DARS2: variants seen among roughly 807,000 people sequenced by gnomAD.
The protein encoded by DARS2 is aspartyl-tRNA synthetase 2, mitochondrial, also known as aspartate--tRNA ligase, mitochondrial.
A neutral mutation model predicts 83.0 loss-of-function variants in DARS2; 63 were observed. The ratio of observed to expected loss-of-function variants is 0.76; its 90% confidence interval spans 0.62 to 0.94. The LOEUF (loss-of-function observed/expected upper bound fraction) is 0.94. DARS2 is among the 40% of genes least tolerant of loss of function. The pLI is 0.00. For synonymous variants in DARS2, 250 were observed against 269.3 expected (o/e 0.93, Z 0.70); for missense variants, 675 against 774.4 (o/e 0.87, Z 1.52).
At chr1:173,825,776 T>C (rs1046347737) in intron 1 of DARS2, among the ~76,000 whole-genome samples, 2 of 138,004 alleles carry the variant, frequency 1.4e-5, no homozygotes, top group Admixed American at 7.4e-5. Flanking sequence ...GCTTTTCCCC[T>C]GTTCTTAACT....
chr1:173,852,274 T>C (rs1653701190), intron 13 of DARS2: 2 of 981,674 alleles, frequency 2.0e-6, no homozygotes, highest in Non-Finnish European at 2.4e-6. Context: ...GTAGCACTTA[T>C]TAAGCACTTA....
chr1:173,853,424 A>C lies in DARS2; in HGVS notation c.1420A>C (p.Thr474Pro). The C allele has an allele frequency of 1.2e-6, 2 of 1,613,230 alleles. No individual in the cohort carries two copies. Among genetic ancestry groups the C allele is most frequent in the Non-Finnish European group, 1.7e-6 (2 of 1,179,852 alleles). The change falls in exon 14 of 17, where the codon ACT becomes CCT. Residue 474 changes from threonine (T) to proline (P), a missense_variant. Physicochemically the swap from Thr to Pro is conservative, Grantham distance 38 (BLOSUM62 -1). Coordinates refer to ENST00000649689, the MANE Select transcript of DARS2 (RefSeq NM_018122.5). ...AAGAGGAGTGGTGCTCCGTGACCCC[A>C]CTCTGTTCTCTTTCCTTTGGGTGGT... ...ETRGVVLRDP[T>P]LFSFLWVVDF...
intron 7 of DARS2, among the ~76,000 whole-genome samples, chr1:173,836,188 C>G (rs1308592842): frequency 6.6e-6 from 1 of 152,000 alleles, no homozygotes; most frequent in Non-Finnish European, 1.5e-5. Context: ...CCATTGCACT[C>G]CAACCTGGGT....
intron 8 of DARS2, among the ~76,000 whole-genome samples, chr1:173,837,897 C>T (rs975778665): frequency 6.6e-6 from 1 of 152,014 alleles, no homozygotes; most frequent in African/African-American, 2.4e-5. Flanking sequence ...CCCTTGCCTC[C>T]CGAGTAGCTG....
chr1:173,829,229 G>GTGTC (rs571735666), intron 3 of DARS2, among the ~76,000 whole-genome samples: 10 of 151,710 alleles, frequency 6.6e-5, no homozygotes, highest in African/African-American at 2.2e-4. Context: ...GTGTGTGTGT[G>GTGTC]TATTTGCTTG....
At chr1:173,856,035 G>A (rs1355876308) in intron 15 of DARS2, among the ~76,000 whole-genome samples, 1 of 151,808 alleles carries the variant, frequency 6.6e-6, no homozygotes, top group African/African-American at 2.4e-5. Context: ...AAATCACCTG[G>A]AAAGCATTAA....
At chr1:173,837,598 A>T (rs1377219188) in intron 8 of DARS2, among the ~76,000 whole-genome samples, 1 of 151,856 alleles carries the variant, frequency 6.6e-6, no homozygotes, top group Non-Finnish European at 1.5e-5. Context: ...AGCATGGGCT[A>T]AAAAAAATGT....
rs372161142 is a variant in DARS2, at chr1:173,850,699, G to A, written c.1344+220G>A. On this transcript the variant is annotated intron_variant, in intron 13 of 16. Coordinates refer to ENST00000649689, the MANE Select transcript of DARS2 (RefSeq NM_018122.5). ...TGGCTCACTGCAACCTCCGCCTCCC[G>A]GGTTCTAGAGATTCTCCTGCCTCAG... Among the ~76,000 whole-genome samples the A allele has an allele frequency of 4.0e-5, 6 of 150,946 alleles. No individual in the cohort carries two copies. The East Asian group carries it at 5.9e-4, about 15-fold the overall frequency.
chr1:173,845,443 T>C, intron 12 of DARS2, 152 bp downstream of exon 12: 2 of 546,630 alleles, frequency 3.7e-6, no homozygotes, highest in Non-Finnish European at 6.4e-6. Flanking sequence ...TTTATATATT[T>C]ATTTTGAAGA....
intron 3 of DARS2, among the ~76,000 whole-genome samples, chr1:173,829,264 G>A (rs1048910867): frequency 6.6e-6 from 1 of 151,618 alleles, no homozygotes; most frequent in Non-Finnish European, 1.5e-5. Context: ...AATGTCTCTG[G>A]AAGGATACCT....
At chr1:173,829,857 G>A (rs1009073673) in intron 3 of DARS2, among the ~76,000 whole-genome samples, 9 of 152,006 alleles carry the variant, frequency 5.9e-5, no homozygotes, top group Admixed American at 1.3e-4. Context: ...GCAGTGGGCC[G>A]AGATCACGCC....
chr1:173,840,934 C>G lies in DARS2; in HGVS notation c.1089C>G (p.Pro363=), dbSNP rs761589048. 8.1e-6 allele frequency: 13 copies of G among 1,612,460 alleles called. No homozygotes were observed. The highest frequency in any genetic ancestry group is 1.1e-5 in the Non-Finnish European group (13 of 1,178,724). The change falls in exon 11 of 17, where the codon CCC becomes CCG. Residue 363 remains proline, a synonymous_variant. Coordinates refer to ENST00000649689, the MANE Select transcript of DARS2 (RefSeq NM_018122.5). Reference sequence around the variant, plus strand: ...TTCTTCAAGATGCACTTAGTAAGCCCCATGGAACTGTGAAAGCCATATGTA... The same window carrying G: ...TTCTTCAAGATGCACTTAGTAAGCCGCATGGAACTGTGAAAGCCATATGTA... The part of the protein sequence containing the change: ...IGFLQDALSK[P]HGTVKAICIP...
Position 173,857,662 on chromosome 1 carries a change from G to A in DARS2, c.1895G>A (p.Arg632Gln), listed in dbSNP as rs570479524. ...GAGGAACTGAAGCCCTATCATATCCGAGTCTCCAAGCCAACAGACTCCAAA... is the reference window on the plus strand; with the variant it reads ...GAGGAACTGAAGCCCTATCATATCCAAGTCTCCAAGCCAACAGACTCCAAA... Reference protein sequence around the residue: ...PPEELKPYHIRVSKPTDSKAE... With the variant: ...PPEELKPYHIQVSKPTDSKAE... The change falls in exon 17 of 17, where the codon CGA (arginine) becomes CAA (glutamine). Residue 632 changes from arginine to glutamine, a missense_variant. Arg to Gln is a conservative substitution (Grantham distance 43, BLOSUM62 1). Transcript: ENST00000649689. 46 of 1,614,052 alleles carry A rather than the reference G, an allele frequency of 2.8e-5. No individual in the cohort carries two copies. Among genetic ancestry groups the A allele is most frequent in the Middle Eastern group, 1.6e-4 (1 of 6,062 alleles).
chr1:173,839,264 C>T (rs1653120327), intron 9 of DARS2, 103 bp from the exon 10 acceptor site: 1 of 963,292 alleles, frequency 1.0e-6, no homozygotes, highest in South Asian at 1.4e-5. Flanking sequence ...ATACCCTCTG[C>T]ATGTATTATG....
intron 2 of DARS2, among the ~76,000 whole-genome samples, chr1:173,827,484 C>T (rs566360464): frequency 1.3e-5 from 2 of 152,154 alleles, no homozygotes; most frequent in South Asian, 2.1e-4. Context: ...AAAAAAAGTT[C>T]GCCAGGCGGG....
chr1:173,840,150 A>G (rs1006942248), intron 10 of DARS2, among the ~76,000 whole-genome samples: 1 of 152,248 alleles, frequency 6.6e-6, no homozygotes, highest in African/African-American at 2.4e-5. Context: ...AATGAAAAAA[A>G]TACAATACAC....
chr1:173,849,584 G>C (rs1266644769), intron 12 of DARS2, among the ~76,000 whole-genome samples: 1 of 151,322 alleles, frequency 6.6e-6, no homozygotes, highest in Non-Finnish European at 1.5e-5. Flanking sequence ...CTTTGTAAAT[G>C]GTTAGGTTTA....
chr1:173,826,622 C>G, intron 1 of DARS2, 65 bp from the exon 2 acceptor site: 1 of 1,199,616 alleles, frequency 8.3e-7, no homozygotes, highest in South Asian at 1.3e-5. Flanking sequence ...CATTTTTAAG[C>G]AACCTGCAAG....
intron 13 of DARS2, 130 bp downstream of exon 13, chr1:173,850,609 T>TC: frequency 1.9e-6 from 2 of 1,044,868 alleles, no homozygotes; most frequent in Middle Eastern, 2.4e-4. Context: ...ATAAATCTTT[T>TC]TTTTTTTTTT....
Sources: allele counts gnomAD v4.1 joint callset (sites outside exome capture counted in the v4.1 genomes callset), GRCh38; gene constraint gnomAD v4.1.1; transcripts MANE v1.5; gene names NCBI Gene and HGNC (gene_info 2026-07-23, HGNC 2026-07-21).